PTPRN2: variants seen among roughly 807,000 people sequenced by gnomAD.
PTPRN2 encodes the protein receptor-type tyrosine-protein phosphatase N2.
PTPRN2 carries 74 observed loss-of-function variants against 118.8 expected under a neutral mutation model. The ratio of observed to expected loss-of-function variants is 0.62; its 90% confidence interval spans 0.52 to 0.76. PTPRN2 has a LOEUF of 0.76. Among genes scored for constraint, PTPRN2 ranks in the 30% least tolerant of loss-of-function variants. The pLI is 0.00. For missense variants in PTPRN2, 1,481 were observed against 1,394.4 expected, an observed-to-expected ratio of 1.06 and a Z score of -0.99; for synonymous variants, 641 against 608.0, an observed-to-expected ratio of 1.05 and a Z score of -0.80.
chr7:158,012,808 T>C (rs1270517760), intron 11 of PTPRN2, among the ~76,000 whole-genome samples: 1 of 152,202 alleles, frequency 6.6e-6, no homozygotes, highest in Non-Finnish European at 1.5e-5. Context: ...ATACCTAACC[T>C]TCTAGCTGAG....
intron 6 of PTPRN2, among the ~76,000 whole-genome samples, chr7:158,155,742 TC>T (rs1213284626): frequency 0.038 from 3,637 of 96,622 alleles, 129 homozygotes; most frequent in African/African-American, 0.1. Context: ...ATCATCACCA[TC>T]ATCACCATCA....
At chr7:157,692,851 C>CG (rs1797578757) in intron 12 of PTPRN2, among the ~76,000 whole-genome samples, 23 of 152,128 alleles carry the variant, frequency 1.5e-4, no homozygotes, top group Admixed American at 1.5e-3. Flanking sequence ...CACCCTGGCT[C>CG]GGGGGCGGCG....
chr7:157,835,657 A>T (rs1807882154), intron 12 of PTPRN2, among the ~76,000 whole-genome samples: 1 of 152,164 alleles, frequency 6.6e-6, no homozygotes. Context: ...GGGCGAAATT[A>T]ACAACATAGC....
chr7:157,732,386 A>G (rs867636544), intron 12 of PTPRN2, among the ~76,000 whole-genome samples: 10 of 1,322 alleles, frequency 7.6e-3, no homozygotes, highest in South Asian at 0.033. Flanking sequence ...ACCCTTTTCC[A>G]CCCCACGCGC....
intron 3 of PTPRN2, among the ~76,000 whole-genome samples, chr7:158,245,465 T>C (rs895248667): frequency 2.6e-5 from 4 of 152,188 alleles, no homozygotes; most frequent in Non-Finnish European, 1.5e-5. Context: ...TCAGAAGCCA[T>C]CTCCACGCAC....
chr7:158,441,251 GGTGA>G (rs1817126445), intron 2 of PTPRN2, among the ~76,000 whole-genome samples: 1 of 102,856 alleles, frequency 9.7e-6, no homozygotes, highest in Non-Finnish European at 2.4e-5. Context: ...TGAAGGTGAT[GGTGA>G]TGGTGATGGT....
intron 12 of PTPRN2, among the ~76,000 whole-genome samples, chr7:157,783,145 C>T (rs1042106560): frequency 6.6e-6 from 1 of 152,314 alleles, no homozygotes; most frequent in Non-Finnish European, 1.5e-5. Context: ...TCCCCTTCTG[C>T]TGTGATTGTA....
intron 12 of PTPRN2, among the ~76,000 whole-genome samples, chr7:157,728,466 G>C (rs1232661156): frequency 6.6e-6 from 1 of 152,242 alleles, no homozygotes; most frequent in African/African-American, 2.4e-5. Flanking sequence ...GGCCACACTT[G>C]TCTGCATCCC....
At chr7:157,778,660 G>A (rs1803488202) in intron 12 of PTPRN2, among the ~76,000 whole-genome samples, 1 of 149,352 alleles carries the variant, frequency 6.7e-6, no homozygotes, top group Non-Finnish European at 1.5e-5. Context: ...ACAGGCACTG[G>A]ATGCCCACGT....
At chr7:157,890,979 C>A (rs1226423755) in intron 12 of PTPRN2, among the ~76,000 whole-genome samples, 2 of 152,212 alleles carry the variant, frequency 1.3e-5, no homozygotes, top group Non-Finnish European at 2.9e-5. Flanking sequence ...CAAGCAGGGG[C>A]AGCTCCTCCC....
In PTPRN2 at chr7:158,371,143, G is replaced by A. The variant is rs112189905; in HGVS notation, c.164-54211C>T. On this transcript the variant is annotated intron_variant, in intron 2 of 22. Coordinates refer to ENST00000389418, the MANE Select transcript of PTPRN2 (RefSeq NM_002847.5). ...ATGTGACTGCGCAGGGAAGAAACACGGGCCCACAGTGTGGACAAGGATAAC... is the reference window on the plus strand; with the variant it reads ...ATGTGACTGCGCAGGGAAGAAACACAGGCCCACAGTGTGGACAAGGATAAC... 2.5e-3 allele frequency among the ~76,000 whole-genome samples: 383 copies of A among 152,210 alleles called. 1 individual carries two copies. Among genetic ancestry groups the A allele is most frequent in the African/African-American group, 8.6e-3 (356 of 41,528 alleles).
Position 158,574,177 on chromosome 7 carries a change from T to C in PTPRN2, c.112+13381A>G, listed in dbSNP as rs918239696. ...AGTGATGAGCACTGTTCTCAGCATATATTGTGCATCGAGACAGCAAATAAC... is the reference window on the plus strand; with the variant it reads ...AGTGATGAGCACTGTTCTCAGCATACATTGTGCATCGAGACAGCAAATAAC... On this transcript the variant is annotated intron_variant, in intron 1 of 22. Transcript: ENST00000389418. This position sits in a 1 kb window ranked among gnomAD's most constrained non-coding sequence, Gnocchi z 4.6. Among the ~76,000 whole-genome samples the C allele has an allele frequency of 5.9e-5, 9 of 152,188 alleles. No homozygotes were observed. In the South Asian group the frequency reaches 1.7e-3, roughly 28 times the overall value.
intron 3 of PTPRN2, among the ~76,000 whole-genome samples, chr7:158,247,499 GTGGGCAGC>G (rs1796336279): frequency 6.6e-6 from 1 of 152,206 alleles, no homozygotes; most frequent in Non-Finnish European, 1.5e-5. Context: ...TCCACGGCTC[GTGGGCAGC>G]TGGGCACTGG....
At chr7:158,503,790 C>T (rs1263301058) in intron 1 of PTPRN2, among the ~76,000 whole-genome samples, 1 of 152,142 alleles carries the variant, frequency 6.6e-6, no homozygotes, top group African/African-American at 2.4e-5. Flanking sequence ...CATTTGAGGG[C>T]AGGAGTTGTA....
At position 158,533,130 on chromosome 7, in the gene PTPRN2, C is replaced by G. The variant is rs556416101; in HGVS notation, c.113-43345G>C. On this transcript the variant is annotated intron_variant, in intron 1 of 22. Transcript: ENST00000389418. The stretch of plus-strand genomic sequence containing the variant: ...TCCAACAACCACGGGAGCTTGAAAA[C>G]CACTTCCTTCCCTAGTTTTGTTACT... Among the ~76,000 whole-genome samples, 4 of 152,306 alleles carry G rather than the reference C, an allele frequency of 2.6e-5. No homozygotes were observed. In the South Asian group the frequency reaches 8.3e-4, roughly 32 times the overall value.
intron 5 of PTPRN2, among the ~76,000 whole-genome samples, chr7:158,171,344 T>TACAC (rs1563555950): frequency 8.2e-6 from 1 of 122,324 alleles, no homozygotes; most frequent in Non-Finnish European, 1.6e-5. Flanking sequence ...TATATATATA[T>TACAC]ATATACACAC....
intron 11 of PTPRN2, among the ~76,000 whole-genome samples, chr7:158,058,952 G>A (rs1293795300): frequency 4.0e-3 from 195 of 48,946 alleles, no homozygotes; most frequent in Admixed American, 6.5e-3. Context: ...ATCTGCACAC[G>A]GTGACACATC....
At chr7:157,565,042 T>C (rs773747332) in intron 21 of PTPRN2, among the ~76,000 whole-genome samples, 4 of 152,196 alleles carry the variant, frequency 2.6e-5, no homozygotes, top group African/African-American at 4.8e-5. Context: ...CAAAGTGACA[T>C]ATAACAGTCA....
chr7:157,669,637 T>G lies in PTPRN2; in HGVS notation c.2002-13086A>C, dbSNP rs545517552. 2.4e-5 allele frequency: 10 copies of G among 408,322 alleles called. No individual in the cohort carries two copies. In the East Asian group the frequency reaches 6.5e-4, roughly 27 times the overall value. The allele number at this position is 408,322 out of a possible 1,614,324, so 25.3% of individuals were successfully genotyped here. ...GTTGGCCAAGCAATATGGAGTGAGTTCTTCCCATTTCGCAAGATGTTTTCT... is the reference window on the plus strand; with the variant it reads ...GTTGGCCAAGCAATATGGAGTGAGTGCTTCCCATTTCGCAAGATGTTTTCT... On this transcript the variant is annotated intron_variant, in intron 13 of 22. Transcript: ENST00000389418.
Sources: gnomAD v4.1 joint callset for allele counts (sites outside exome capture counted in the v4.1 genomes callset) on GRCh38, gnomAD v4.1.1 for gene constraint, Gnocchi (gnomAD v3.1) non-coding constraint, MANE v1.5 for transcripts, NCBI Gene and HGNC (gene_info 2026-07-23, HGNC 2026-07-21) for gene names.